The following RS1 variants were observed in gnomAD, a reference collection of about 807,000 sequenced individuals.
The protein encoded by RS1 is retinoschisin 1.
Under a neutral mutation model 20.8 loss-of-function variants are expected in RS1, and 2 were observed. That is an observed-to-expected ratio of 0.10 (90% CI 0.04 to 0.30). RS1 has a LOEUF of 0.30. RS1 is among the 10% of genes least tolerant of loss of function. The pLI, the probability that RS1 is intolerant of heterozygous loss-of-function variation, is 1.00. For missense variants in RS1, 151 were observed against 189.8 expected (o/e 0.80, Z 1.20); for synonymous variants, 70 against 75.8 (o/e 0.92, Z 0.40).
chrX:18,663,032 C>CTTTTTTTTT (rs55857398), intron 1 of RS1, among the ~76,000 whole-genome samples: 5 of 74,762 alleles, frequency 6.7e-5, no homozygotes, highest in African/African-American at 3.2e-4. Context: ...AGAACAATGA[C>CTTTTTTTTT]TTTTTTTTTT....
At position 18,647,206 on chromosome X, in the gene RS1, T is replaced by A; in HGVS notation, c.311A>T (p.Asn104Ile). ...CCCTGCTTACCCAAAGCCTTGACTG[T>A]TGAGCCGGGCCTTGTTTGCAGTCCA... ...SSWTANKARLNSQGFGCAWLS... is the reference protein window; with the variant it reads ...SSWTANKARLISQGFGCAWLS... The change falls in exon 4 of 6, where the codon AAC (asparagine) becomes ATC (isoleucine). Residue 104 changes from asparagine to isoleucine, a missense_variant. Transcript: ENST00000379984. 8.3e-7 allele frequency: 1 copy of A among 1,211,238 alleles called. No individual in the cohort carries two copies. Among genetic ancestry groups the A allele is most frequent in the Non-Finnish European group, 1.1e-6 (1 of 895,431 alleles).
At position 18,641,367 on chromosome X, in the gene RS1, C is replaced by T. The variant is rs1358040513; in HGVS notation, c.*637G>A. On this transcript the variant is annotated 3_prime_UTR_variant, in exon 6 of 6. Coordinates refer to ENST00000379984, the MANE Select transcript of RS1 (RefSeq NM_000330.4). ...GTTCATGAGGGTGGAAGCCCAGATC[C>T]GCCTTGAAGGTAAGAACTGTGAGCA... The T allele has an allele frequency of 8.8e-6, 1 of 113,264 alleles. No individual in the cohort carries two copies. The highest frequency in any genetic ancestry group is 1.8e-5 in the Non-Finnish European group (1 of 54,324). 9.3% of individuals were successfully genotyped at this position (113,264 alleles called of 1,213,427 possible). A position where few individuals can be genotyped will look rare whatever the true frequency, so the allele number is the denominator to read the frequency against.
chrX:18,657,881 T>A (rs1928245665), intron 1 of RS1, among the ~76,000 whole-genome samples: 1 of 111,434 alleles, frequency 9.0e-6, no homozygotes, highest in Non-Finnish European at 1.9e-5. Flanking sequence ...AACAAGATCA[T>A]CATTATAGGG....
At chrX:18,663,983 T>C (rs1928362151) in intron 1 of RS1, among the ~76,000 whole-genome samples, 1 of 111,776 alleles carries the variant, frequency 8.9e-6, no homozygotes, top group Non-Finnish European at 1.9e-5. Flanking sequence ...TCTAACCTCT[T>C]TGGAAAACTA....
At chrX:18,660,268 T>C (rs1248842941) in intron 1 of RS1, among the ~76,000 whole-genome samples, 4 of 110,492 alleles carry the variant, frequency 3.6e-5, no homozygotes, top group Non-Finnish European at 5.7e-5. Context: ...TTGTTTTTTT[T>C]TTTTTCTTTT....
intron 1 of RS1, among the ~76,000 whole-genome samples, chrX:18,670,924 C>A (rs1051569287): frequency 8.9e-6 from 1 of 111,962 alleles, no homozygotes; most frequent in Admixed American, 9.5e-5. Flanking sequence ...CCAGTCTTTC[C>A]AAATACTGAG....
chrX:18,649,095 G>A (rs1283556699), intron 3 of RS1, among the ~76,000 whole-genome samples: 4 of 107,447 alleles, frequency 3.7e-5, no homozygotes, highest in African/African-American at 1.0e-4. Flanking sequence ...ATAACCTTAA[G>A]TATTATAACT....
intron 3 of RS1, among the ~76,000 whole-genome samples, chrX:18,651,254 TGTGTGTGTGTGAGA>T (rs1473347206): frequency 1.0e-5 from 1 of 99,071 alleles, no homozygotes; most frequent in African/African-American, 3.9e-5. Context: ...TGTGTGTGTG[TGTGTGTGTGTGAGA>T]GAGAGAGAGA....
chrX:18,649,374 G>A (rs943680508), intron 3 of RS1, among the ~76,000 whole-genome samples: 1 of 111,762 alleles, frequency 8.9e-6, no homozygotes, highest in East Asian at 2.8e-4. Flanking sequence ...TTCTGATGAT[G>A]AATGATAAAC....
chrX:18,644,961 A>G (rs1395226376), intron 4 of RS1, among the ~76,000 whole-genome samples: 1 of 112,340 alleles, frequency 8.9e-6, no homozygotes, highest in Non-Finnish European at 1.9e-5. Flanking sequence ...CATGGCTGTT[A>G]GACCACCAGC....
intron 3 of RS1, among the ~76,000 whole-genome samples, chrX:18,652,837 A>G (rs918869365): frequency 8.9e-6 from 1 of 112,683 alleles, no homozygotes; most frequent in Non-Finnish European, 1.9e-5. Flanking sequence ...CTTCTGAGCC[A>G]TGATGTGATC....
Position 18,642,021 on chromosome X carries a change from C to T in RS1, c.658G>A (p.Val220Ile), listed in dbSNP as rs1279917353. The T allele has an allele frequency of 2.5e-6, 3 of 1,211,132 alleles. No individual in the cohort carries two copies. Among genetic ancestry groups the T allele is most frequent in the Non-Finnish European group, 3.4e-6 (3 of 895,384 alleles). ...GGCAGGCATCAGGCACACTTGCTGA[C>T]GCACTCCAGCAGCTCCATCCGGATG... ...IAIRMELLEC[V>I]SKCA The change falls in exon 6 of 6, where the codon GTC becomes ATC. Residue 220 changes from valine (V) to isoleucine (I), a missense_variant. Physicochemically the swap from Val to Ile is conservative, Grantham distance 29 (BLOSUM62 3). Coordinates refer to ENST00000379984, the MANE Select transcript of RS1 (RefSeq NM_000330.4).
chrX:18,645,884 G>A, intron 4 of RS1: 2 of 1,113,072 alleles, frequency 1.8e-6, no homozygotes, highest in Admixed American at 4.9e-5. Flanking sequence ...GCAACTAGAT[G>A]GGGCCCCCTA....
At chrX:18,645,551 AATCT>A (rs758329309) in intron 4 of RS1, among the ~76,000 whole-genome samples, 22 of 107,659 alleles carry the variant, frequency 2.0e-4, no homozygotes, top group African/African-American at 7.2e-4. Context: ...TCCAGTGCCC[AATCT>A]ATCTATTGGC....
At chrX:18,665,953 C>A (rs1459951134) in intron 1 of RS1, among the ~76,000 whole-genome samples, 1 of 107,425 alleles carries the variant, frequency 9.3e-6, no homozygotes, top group Non-Finnish European at 1.9e-5. Flanking sequence ...CTGGCCTTTT[C>A]AGTCCACCTT....
intron 3 of RS1, among the ~76,000 whole-genome samples, chrX:18,648,793 C>T (rs1389472867): frequency 1.8e-5 from 2 of 111,068 alleles, no homozygotes; most frequent in Non-Finnish European, 3.8e-5. Flanking sequence ...TGGGTAAGGC[C>T]GAGAGAACTG....
intron 1 of RS1, among the ~76,000 whole-genome samples, chrX:18,660,394 A>C (rs935011478): frequency 9.1e-6 from 1 of 110,099 alleles, no homozygotes; most frequent in Non-Finnish European, 1.9e-5. Context: ...TTTTTAGTAG[A>C]GACTGGGTTT....
At chrX:18,670,278 T>A (rs1302131933) in intron 1 of RS1, among the ~76,000 whole-genome samples, 1 of 92,715 alleles carries the variant, frequency 1.1e-5, no homozygotes, top group African/African-American at 4.1e-5. Flanking sequence ...CAGGCTGGAG[T>A]GCAATGGCAT....
intron 1 of RS1, among the ~76,000 whole-genome samples, chrX:18,657,892 C>T (rs980800289): frequency 2.7e-5 from 3 of 111,801 alleles, no homozygotes; most frequent in African/African-American, 9.7e-5. Context: ...CATTATAGGG[C>T]CGGTGCAGCG....
Sources: gnomAD v4.1 joint callset for allele counts (sites outside exome capture counted in the v4.1 genomes callset) on GRCh38, gnomAD v4.1.1 for gene constraint, MANE v1.5 for transcripts, NCBI Gene and HGNC (gene_info 2026-07-23, HGNC 2026-07-21) for gene names.